The following NRXN3 variants were observed in gnomAD, a reference collection of about 807,000 sequenced individuals.
The protein encoded by NRXN3 is neurexin III.
A neutral mutation model predicts 137.6 loss-of-function variants in NRXN3; 32 were observed. That is an observed-to-expected ratio of 0.23 (90% CI 0.18 to 0.31). The LOEUF (loss-of-function observed/expected upper bound fraction) is 0.31, where lower values mean the gene tolerates loss of function less well. Among genes scored for constraint, NRXN3 ranks in the 10% least tolerant of loss-of-function variants. The probability of loss-of-function intolerance (pLI) is 1.00; values close to 1 mark genes in which losing one functional copy is unlikely to be tolerated. For missense variants in NRXN3, 1,574 were observed against 2,062.5 expected (o/e 0.76, Z 4.59); for synonymous variants, 798 against 784.5 (o/e 1.02, Z -0.29).
intron 15 of NRXN3, among the ~76,000 whole-genome samples, chr14:79,392,695 G>T (rs2094889375): frequency 1.3e-5 from 2 of 152,104 alleles, no homozygotes; most frequent in Admixed American, 1.3e-4. Context: ...GAAATGGCCA[G>T]GTGTGGTGGC....
chr14:78,368,843 C>T (rs2086388839), intron 4 of NRXN3, among the ~76,000 whole-genome samples: 2 of 152,148 alleles, frequency 1.3e-5, no homozygotes, highest in Admixed American at 1.3e-4. Flanking sequence ...GAAAGACTTA[C>T]AATATGGTCA....
At chr14:79,128,259 T>A (rs1413198737) in intron 15 of NRXN3, among the ~76,000 whole-genome samples, 4 of 119,630 alleles carry the variant, frequency 3.3e-5, no homozygotes, top group African/African-American at 1.0e-4. Flanking sequence ...TGTGCCAGTT[T>A]TCAAAGGGAA....
At chr14:78,306,730 A>G (rs968427040) in intron 4 of NRXN3, among the ~76,000 whole-genome samples, 1 of 152,138 alleles carries the variant, frequency 6.6e-6, no homozygotes, top group Non-Finnish European at 1.5e-5. Context: ...CCAGGGTGAC[A>G]TGTATCAGAA....
chr14:79,463,517 A>C (rs2096380641), intron 15 of NRXN3, among the ~76,000 whole-genome samples: 2 of 152,082 alleles, frequency 1.3e-5, no homozygotes, highest in South Asian at 4.1e-4. Flanking sequence ...TGAAGATGAG[A>C]TGTATCCTCT....
intron 4 of NRXN3, among the ~76,000 whole-genome samples, chr14:78,484,968 C>T (rs1401389146): frequency 6.6e-6 from 1 of 152,104 alleles, no homozygotes; most frequent in Non-Finnish European, 1.5e-5. Context: ...ATGAACCTTG[C>T]CAGCACACTC....
intron 10 of NRXN3, among the ~76,000 whole-genome samples, chr14:78,865,698 A>C (rs1466068314): frequency 6.6e-6 from 1 of 152,116 alleles, no homozygotes; most frequent in Non-Finnish European, 1.5e-5. Flanking sequence ...TAAAGTGAAT[A>C]TCTCTGAAAT....
chr14:79,224,381 A>G (rs913799339), intron 15 of NRXN3, among the ~76,000 whole-genome samples: 5 of 152,194 alleles, frequency 3.3e-5, no homozygotes, highest in Non-Finnish European at 5.9e-5. Context: ...ACTTGAGGAT[A>G]TATAAAGTCA....
chr14:79,097,346 C>T (rs565114509), intron 15 of NRXN3, among the ~76,000 whole-genome samples: 2 of 152,166 alleles, frequency 1.3e-5, no homozygotes, highest in East Asian at 1.9e-4. Flanking sequence ...TAAAAATGCG[C>T]TGGCTCTGTA....
intron 15 of NRXN3, among the ~76,000 whole-genome samples, chr14:79,434,300 G>A (rs4243664): frequency 0.28 from 42,437 of 151,938 alleles, 6,544 homozygotes; most frequent in South Asian, 0.42. Flanking sequence ...AGGCAGCCAT[G>A]CGCACAGGTG....
chr14:78,397,419 C>T (rs1200475052), intron 4 of NRXN3, among the ~76,000 whole-genome samples: 1 of 146,096 alleles, frequency 6.8e-6, no homozygotes, highest in Non-Finnish European at 1.5e-5. Flanking sequence ...TTCTCCCCCT[C>T]TGTGTCCTCC....
intron 19 of NRXN3, among the ~76,000 whole-genome samples, chr14:79,738,883 A>C (rs2098951280): frequency 6.6e-6 from 1 of 152,104 alleles, no homozygotes; most frequent in East Asian, 1.9e-4. Flanking sequence ...TAAGTCACTC[A>C]CTTTGTGCCA....
At chr14:79,857,768 C>T (rs1220912611) in intron 20 of NRXN3, among the ~76,000 whole-genome samples, 2 of 152,258 alleles carry the variant, frequency 1.3e-5, no homozygotes, top group South Asian at 2.1e-4. Context: ...CCCCCGTGTA[C>T]TGCAGTTGAC....
chr14:78,447,610 C>A (rs2094451439), intron 4 of NRXN3, among the ~76,000 whole-genome samples: 1 of 152,230 alleles, frequency 6.6e-6, no homozygotes, highest in African/African-American at 2.4e-5. Flanking sequence ...AGGGGAGACC[C>A]ACTTTACTGT....
intron 15 of NRXN3, among the ~76,000 whole-genome samples, chr14:79,061,515 A>G (rs1405210115): frequency 6.6e-6 from 1 of 152,244 alleles, no homozygotes; most frequent in East Asian, 1.9e-4. Flanking sequence ...GAATGAAGCC[A>G]TAGTGACTGG....
At chr14:79,221,166 A>G (rs143305189) in intron 15 of NRXN3, among the ~76,000 whole-genome samples, 4,171 of 152,136 alleles carry the variant, frequency 0.027, 138 homozygotes, top group South Asian at 0.086. Flanking sequence ...ATGGGCATTT[A>G]GGTTGGCTCC....
chr14:78,970,353 A>G (rs1251220606), intron 14 of NRXN3, among the ~76,000 whole-genome samples: 1 of 152,192 alleles, frequency 6.6e-6, no homozygotes, highest in Non-Finnish European at 1.5e-5. Context: ...ATATACCCAA[A>G]ATATTATTTC....
chr14:79,470,678 C>T (rs377367603), intron 16 of NRXN3, among the ~76,000 whole-genome samples: 7 of 152,074 alleles, frequency 4.6e-5, no homozygotes, highest in South Asian at 2.1e-4. Flanking sequence ...CTCTGCCTAC[C>T]GATGTGCTTC....
At chr14:79,761,987 T>C (rs1300197719) in intron 19 of NRXN3, among the ~76,000 whole-genome samples, 1 of 151,612 alleles carries the variant, frequency 6.6e-6, no homozygotes. Context: ...GCAGTCACTC[T>C]TGGGTGACTA....
At chr14:78,678,926 G>A (rs2098041680) in intron 6 of NRXN3, among the ~76,000 whole-genome samples, 1 of 152,056 alleles carries the variant, frequency 6.6e-6, no homozygotes. Context: ...AACTGTTGTA[G>A]TTCTTCTAGT....
Sources: allele counts gnomAD v4.1 joint callset (sites outside exome capture counted in the v4.1 genomes callset), GRCh38; gene constraint gnomAD v4.1.1; transcripts MANE v1.5; gene names NCBI Gene and HGNC (gene_info 2026-07-23, HGNC 2026-07-21).